Variants in FLRT2 observed in about 807,000 individuals in gnomAD.
FLRT2 encodes leucine-rich repeat transmembrane protein FLRT2.
In FLRT2, 15 loss-of-function variants were observed where a neutral mutation model predicts 40.0. The ratio of observed to expected loss-of-function variants is 0.38; its 90% CI spans 0.25 to 0.58. The LOEUF is 0.58. Among genes scored for constraint, FLRT2 ranks in the 20% least tolerant of loss-of-function variants. FLRT2 has a pLI of 0.71. For missense variants in FLRT2, 726 were observed against 840.0 expected (o/e 0.86, Z 1.68); for synonymous variants, 380 against 336.8 (o/e 1.13, Z -1.41).
In FLRT2 at chr14:85,633,019, A is replaced by G. The variant is rs1206602787; in HGVS notation, c.*9522A>G. ...CATTGAATAAATGACATGAAGCACC[A>G]TGTATTTTTCATGCAGATGTAATTC... On this transcript the variant is annotated 3_prime_UTR_variant, in exon 2 of 2. Coordinates refer to ENST00000330753, the MANE Select transcript of FLRT2 (RefSeq NM_013231.6). The G allele has an allele frequency of 1.3e-5, 2 of 152,236 alleles. No homozygotes were observed. Among genetic ancestry groups the G allele is most frequent in the African/African-American group, 4.8e-5 (2 of 41,466 alleles). 9.4% of individuals were successfully genotyped at this position (152,236 alleles called of 1,614,324 possible).
chr14:85,576,828 G>A (rs918789080), intron 1 of FLRT2, among the ~76,000 whole-genome samples: 7 of 152,338 alleles, frequency 4.6e-5, no homozygotes, highest in Middle Eastern at 6.8e-3. Context: ...ACCTGAAAGA[G>A]CATTGACATT....
At chr14:85,587,577 A>T (rs1040401587) in intron 1 of FLRT2, among the ~76,000 whole-genome samples, 2 of 147,862 alleles carry the variant, frequency 1.4e-5, no homozygotes, top group East Asian at 2.0e-4. Context: ...TTGACCATGA[A>T]TTTTTTTTTT....
At chr14:85,533,640 G>A (rs1293314152) in intron 1 of FLRT2, among the ~76,000 whole-genome samples, 1 of 152,140 alleles carries the variant, frequency 6.6e-6, no homozygotes, top group East Asian at 1.9e-4. Flanking sequence ...AGAAGGCGGG[G>A]GTCGCGGCGG....
At chr14:85,553,677 G>A (rs1005397287) in intron 1 of FLRT2, among the ~76,000 whole-genome samples, 1 of 152,072 alleles carries the variant, frequency 6.6e-6, no homozygotes, top group Non-Finnish European at 1.5e-5. Flanking sequence ...TTTGTGGAAG[G>A]AAAGGGTGAG....
intron 1 of FLRT2, among the ~76,000 whole-genome samples, chr14:85,542,132 C>G (rs1011916487): frequency 6.6e-6 from 1 of 152,084 alleles, no homozygotes; most frequent in Non-Finnish European, 1.5e-5. Flanking sequence ...CAGAATGATA[C>G]TCTTGGGCTA....
At position 85,574,420 on chromosome 14, in the gene FLRT2, C is replaced by T. The variant is rs575456454; in HGVS notation, c.-377+43886C>T. On this transcript the variant is annotated intron_variant, in intron 1 of 1. Transcript: ENST00000330753. ...TTTGGCAATGCTTCATGCCATAGAGCCAGGAAAATCTCAATTCTTTCACAA... is the reference window on the plus strand; with the variant it reads ...TTTGGCAATGCTTCATGCCATAGAGTCAGGAAAATCTCAATTCTTTCACAA... Among the ~76,000 whole-genome samples, 3 of 152,180 alleles carry T rather than the reference C, an allele frequency of 2.0e-5. No individual in the cohort carries two copies. The South Asian group carries it at 6.2e-4, about 32-fold the overall frequency.
At chr14:85,549,765 C>T (rs914200046) in intron 1 of FLRT2, among the ~76,000 whole-genome samples, 2 of 151,086 alleles carry the variant, frequency 1.3e-5, no homozygotes, top group African/African-American at 4.9e-5. Flanking sequence ...TATCCCTTTG[C>T]CCTCCAATGT....
At position 85,598,331 on chromosome 14, in the gene FLRT2, A is replaced by C. The variant is rs116846321; in HGVS notation, c.-376-22808A>C. 7.9e-5 allele frequency among the ~76,000 whole-genome samples: 12 copies of C among 152,316 alleles called. No individual in the cohort carries two copies. In the East Asian group the frequency reaches 2.3e-3, roughly 29 times the overall value. ...AAGTCTGTCTGACTGCATTTCAGAG[A>C]AAAGGGAATGATGGAGTGGGATTGG... On this transcript the variant is annotated intron_variant, in intron 1 of 1. Transcript: ENST00000330753.
intron 1 of FLRT2, among the ~76,000 whole-genome samples, chr14:85,545,984 G>C (rs1170189634): frequency 2.0e-5 from 3 of 152,162 alleles, no homozygotes; most frequent in African/African-American, 7.2e-5. Flanking sequence ...AGCTTCACTG[G>C]TTTTCAAAAT....
rs936753431 is a variant in FLRT2 at position 85,647,302 on chromosome 14, A to G, written c.*23805A>G. The G allele has an allele frequency of 6.6e-6, 1 of 152,208 alleles. No homozygotes were observed. The highest frequency in any genetic ancestry group is 2.1e-4 in the South Asian group (1 of 4,818). The allele number at this position is 152,208 out of a possible 1,614,324, so 9.4% of individuals were successfully genotyped here. A position where few individuals can be genotyped will look rare whatever the true frequency, so the allele number is the denominator to read the frequency against. ...AGTTTACTAACTTACTTAACAGAGG[A>G]GTTTTGTTTTCTTGTTATCTGTAGC... is the stretch of plus-strand genomic sequence containing the variant. On this transcript the variant is annotated 3_prime_UTR_variant, in exon 2 of 2. Transcript: ENST00000330753.
chr14:85,573,159 A>C (rs1458778347), intron 1 of FLRT2, among the ~76,000 whole-genome samples: 1 of 152,146 alleles, frequency 6.6e-6, no homozygotes, highest in Non-Finnish European at 1.5e-5. Context: ...ATGTAAATAG[A>C]GGGATGGGTG....
intron 1 of FLRT2, among the ~76,000 whole-genome samples, chr14:85,547,339 T>C (rs887904221): frequency 7.8e-6 from 1 of 128,356 alleles, no homozygotes; most frequent in African/African-American, 2.8e-5. Flanking sequence ...TTTTTTTTTT[T>C]TGAGATGGAG....
At chr14:85,614,471 T>G (rs959807733) in intron 1 of FLRT2, among the ~76,000 whole-genome samples, 1 of 152,192 alleles carries the variant, frequency 6.6e-6, no homozygotes, top group Non-Finnish European at 1.5e-5. Context: ...AAATTCTGAC[T>G]GACTCCAAAC....
In FLRT2 at chr14:85,643,327, C is replaced by A. The variant is rs1017325347; in HGVS notation, c.*19830C>A. 3.5e-5 allele frequency: 4 copies of A among 113,388 alleles called. No individual in the cohort carries two copies. The highest frequency in any genetic ancestry group is 1.5e-4 in the African/African-American group (4 of 26,456). The allele number at this position is 113,388 out of a possible 1,614,324, so 7.0% of individuals were successfully genotyped here. A position where few individuals can be genotyped will look rare whatever the true frequency, so the allele number is the denominator to read the frequency against. The stretch of plus-strand genomic sequence containing the variant: ...TCTTTCTTTCTTTCTTTCTTTCTTT[C>A]TTTCTTTCTTTCTTTCTTTCTTTCT... On this transcript the variant is annotated 3_prime_UTR_variant, in exon 2 of 2. Transcript: ENST00000330753.
chr14:85,558,005 C>T (rs1890078721), intron 1 of FLRT2, among the ~76,000 whole-genome samples: 1 of 152,046 alleles, frequency 6.6e-6, no homozygotes, highest in African/African-American at 2.4e-5. Context: ...CATCCATAGA[C>T]TTATGTGGAA....
rs555049859 is a variant in FLRT2, at chr14:85,621,380, C to T, written c.-135C>T. On this transcript the variant is annotated 5_prime_UTR_variant, in exon 2 of 2. In the 5' UTR this introduces an upstream ATG that the reference lacks. Transcript: ENST00000330753. ...ACAGCAGGGAGATTATTTTACCATA[C>T]GCCCTCAGGACGTTCCCTCTAGCTG... is the stretch of plus-strand genomic sequence containing the variant. The T allele has an allele frequency of 1.3e-4, 94 of 731,086 alleles. 1 individual carries two copies. The highest frequency in any genetic ancestry group is 1.1e-3 in the South Asian group (55 of 50,990). 45.3% of individuals were successfully genotyped at this position (731,086 alleles called of 1,614,324 possible).
At position 85,543,124 on chromosome 14, in the gene FLRT2, C is replaced by T. The variant is rs149738846; in HGVS notation, c.-377+12590C>T. On this transcript the variant is annotated intron_variant, in intron 1 of 1. Coordinates refer to ENST00000330753, the MANE Select transcript of FLRT2 (RefSeq NM_013231.6). ...TAACCTTCTCATGCCCTTTGCTATACTCAGTGTGCAAATCATGAAGACTAA... is the reference window on the plus strand; with the variant it reads ...TAACCTTCTCATGCCCTTTGCTATATTCAGTGTGCAAATCATGAAGACTAA... 1.4e-3 allele frequency among the ~76,000 whole-genome samples: 216 copies of T among 152,280 alleles called. 2 individuals are homozygous for T. In the East Asian group the frequency reaches 0.039, roughly 27 times the overall value.
rs1465809804 is a variant in FLRT2 at position 85,622,246 on chromosome 14, C to A, written c.732C>A (p.His244Gln). 2 of 1,614,000 alleles carry A rather than the reference C, an allele frequency of 1.2e-6. No individual in the cohort carries two copies. The highest frequency in any genetic ancestry group is 2.7e-5 in the African/African-American group (2 of 74,912). ...CAATTGTACGTAATTCGCTGTCCCA[C>A]CCTCCTCCCGATCTCCCAGGTACGC... ...EFSIVRNSLS[H>Q]PPPDLPGTHL... Residue 244 changes from histidine (H) to glutamine (Q), a missense_variant, in exon 2 of 2, where the codon CAC (histidine) becomes CAA (glutamine). This residue lies in a region of FLRT2 where 611 missense variants were observed against 690.0 expected (regional missense o/e 0.89). Coordinates refer to ENST00000330753, the MANE Select transcript of FLRT2 (RefSeq NM_013231.6).
At position 85,643,354 on chromosome 14, in the gene FLRT2, T is replaced by TCTTCCTTCCTTCCTTC. The variant is rs67796225; in HGVS notation, c.*19865_*19880dup. On this transcript the variant is annotated 3_prime_UTR_variant, in exon 2 of 2. Transcript: ENST00000330753. Reference sequence around the variant, plus strand: ...TTCTTTCTTTCTTTCTTTCTTTCTTTCTTCCTTCCTTCCTTCCTTCCTTTC... The same window carrying TCTTCCTTCCTTCCTTC: ...TTCTTTCTTTCTTTCTTTCTTTCTTTCTTCCTTCCTTCCTTCCTTCCTTCCTTCCTTCCTTCCTTTC... 2.7e-3 allele frequency: 126 copies of TCTTCCTTCCTTCCTTC among 46,070 alleles called. 6 individuals are homozygous for TCTTCCTTCCTTCCTTC. Among genetic ancestry groups the TCTTCCTTCCTTCCTTC allele is most frequent in the African/African-American group, 7.2e-3 (96 of 13,272 alleles). 2.9% of individuals were successfully genotyped at this position (46,070 alleles called of 1,614,324 possible). A position where few individuals can be genotyped will look rare whatever the true frequency, so the allele number is the denominator to read the frequency against.
Sources: allele counts gnomAD v4.1 joint callset (sites outside exome capture counted in the v4.1 genomes callset), GRCh38; gene constraint gnomAD v4.1.1; regional missense constraint gnomAD v4.1.1; transcripts MANE v1.5; gene names NCBI Gene and HGNC (gene_info 2026-07-23, HGNC 2026-07-21).